The following RBL1 variants were observed in gnomAD, a reference collection of about 807,000 sequenced individuals.
The protein encoded by RBL1 is RB transcriptional corepressor like 1.
In RBL1, 82 loss-of-function variants were observed where a neutral mutation model predicts 123.0. The observed-to-expected ratio is 0.67, with a 90% CI of 0.56 to 0.80. RBL1 has a LOEUF of 0.80. Among genes scored for constraint, RBL1 ranks in the 30% least tolerant of loss-of-function variants. The pLI is 0.00. For missense variants in RBL1, 1,171 were observed against 1,299.6 expected (o/e 0.90, Z 1.52); for synonymous variants, 405 against 441.3 (o/e 0.92, Z 1.03).
At chr20:37,042,003 G>A (rs1267137095) in intron 13 of RBL1, among the ~76,000 whole-genome samples, 2 of 150,306 alleles carry the variant, frequency 1.3e-5, no homozygotes, top group African/African-American at 4.9e-5. Context: ...AACCCGGGAG[G>A]TGGAGCTTGC....
At chr20:37,049,423 A>T (rs2064869195) in intron 11 of RBL1, 1 of 748,326 alleles carries the variant, frequency 1.3e-6, no homozygotes. Flanking sequence ...TGACTACAAC[A>T]TTCAAAAGGA....
At chr20:37,011,915 T>C (rs563159369) in intron 19 of RBL1, among the ~76,000 whole-genome samples, 2 of 152,276 alleles carry the variant, frequency 1.3e-5, no homozygotes, top group Non-Finnish European at 2.9e-5. Context: ...ACGGTCTCCC[T>C]CTGATGCCGA....
intron 2 of RBL1, among the ~76,000 whole-genome samples, chr20:37,086,466 T>A (rs1263812151): frequency 6.6e-6 from 1 of 152,020 alleles, no homozygotes; most frequent in Non-Finnish European, 1.5e-5. Context: ...CGGGCGCCTG[T>A]AATCCCAGCT....
chr20:37,000,366 G>C (rs1480666851), intron 21 of RBL1, among the ~76,000 whole-genome samples: 1 of 146,952 alleles, frequency 6.8e-6, no homozygotes, highest in Non-Finnish European at 1.5e-5. Flanking sequence ...CAGAAGGGAG[G>C]TGGGGGGGTT....
intron 1 of RBL1, among the ~76,000 whole-genome samples, chr20:37,089,399 C>G (rs1440307120): frequency 1.3e-5 from 2 of 148,784 alleles, no homozygotes; most frequent in Non-Finnish European, 3.0e-5. Context: ...GTTTGTAATC[C>G]CAGTAACTCG....
At chr20:37,037,482 A>G (rs1000417121) in intron 14 of RBL1, among the ~76,000 whole-genome samples, 2 of 152,142 alleles carry the variant, frequency 1.3e-5, no homozygotes, top group African/African-American at 4.8e-5. Flanking sequence ...ATAATTCTCA[A>G]TATTTCGTAA....
intron 21 of RBL1, among the ~76,000 whole-genome samples, chr20:37,001,011 C>T (rs2063967821): frequency 1.4e-5 from 2 of 142,580 alleles, no homozygotes; most frequent in Non-Finnish European, 3.1e-5. Context: ...GCCGCCCCAT[C>T]CGGGAGGGAG....
intron 2 of RBL1, among the ~76,000 whole-genome samples, chr20:37,084,151 T>C (rs2065502982): frequency 6.6e-6 from 1 of 151,980 alleles, no homozygotes; most frequent in Admixed American, 6.6e-5. Flanking sequence ...CTGCCCGCCT[T>C]GGCCTCCCAA....
chr20:37,068,531 A>T (rs556313293), intron 2 of RBL1, among the ~76,000 whole-genome samples: 12 of 109,546 alleles, frequency 1.1e-4, no homozygotes, highest in Non-Finnish European at 1.9e-4. Context: ...AAATTTAATT[A>T]AAAAAAAAAA....
At chr20:37,074,962 G>A (rs2065341192) in intron 2 of RBL1, among the ~76,000 whole-genome samples, 1 of 152,116 alleles carries the variant, frequency 6.6e-6, no homozygotes, top group Non-Finnish European at 1.5e-5. Flanking sequence ...TAGCCAAAAG[G>A]TAGAAATAAC....
At chr20:37,055,168 T>C in intron 11 of RBL1, among the ~76,000 whole-genome samples, 1 of 152,082 alleles carries the variant, frequency 6.6e-6, no homozygotes, top group Non-Finnish European at 1.5e-5. Context: ...TGGTCTGACT[T>C]GGTCATAGTT....
Position 37,056,190 on chromosome 20 carries a change from T to G in RBL1, c.1319A>C (p.Gln440Pro). ...ILKGIGETFC[Q>P]HYTQSTDEQP... ...TTCATCTGTTGATTGAGTATAGTGT[T>G]GACAGAAAGTCTCTCCTATTCCTTT... Residue 440 changes from glutamine to proline, a missense_variant, in exon 10 of 22, where the codon CAA becomes CCA. Transcript: ENST00000373664. 6.2e-7 allele frequency: 1 copy of G among 1,611,396 alleles called. No homozygotes were observed. The highest frequency in any genetic ancestry group is 8.5e-7 in the Non-Finnish European group (1 of 1,179,822).
intron 2 of RBL1, among the ~76,000 whole-genome samples, chr20:37,069,471 G>A (rs984944786): frequency 6.6e-6 from 1 of 150,498 alleles, no homozygotes; most frequent in Non-Finnish European, 1.5e-5. Context: ...TGAGATGTGG[G>A]GAGCGCCTCT....
Position 37,055,570 on chromosome 20 carries a change from G to A in RBL1, c.1450C>T (p.His484Tyr). 2 of 1,614,064 alleles carry A rather than the reference G, an allele frequency of 1.2e-6. No individual in the cohort carries two copies. The highest frequency in any genetic ancestry group is 1.7e-6 in the Non-Finnish European group (2 of 1,180,000). ...TVMVQETRRL[H>Y]GMDMSVLLEQ... Reference sequence around the variant, plus strand: ...TTACTTACTGACATGTCCATTCCATGAAGTCTTCGTGTTTCCTGAACCATT... The same window carrying A: ...TTACTTACTGACATGTCCATTCCATAAAGTCTTCGTGTTTCCTGAACCATT... The change falls in exon 11 of 22, where the codon CAT becomes TAT. Residue 484 changes from histidine (H) to tyrosine (Y), a missense_variant. Transcript: ENST00000373664.
Position 37,038,271 on chromosome 20 carries a change from C to G in RBL1, c.1903+1882G>C, listed in dbSNP as rs375569745. On this transcript the variant is annotated intron_variant, in intron 14 of 21. Transcript: ENST00000373664. ...CCTCCCAAACTGCTGGGATTACAGG[C>G]GTGAGCCACTGTGCCTGACCTTATG... is the stretch of plus-strand genomic sequence containing the variant. Among the ~76,000 whole-genome samples the G allele has an allele frequency of 8.9e-5, 13 of 145,564 alleles. 1 individual carries two copies. The South Asian group carries it at 2.0e-3, about 23-fold the overall frequency.
chr20:37,038,962 C>T (rs1284115059), intron 14 of RBL1, among the ~76,000 whole-genome samples: 1 of 152,162 alleles, frequency 6.6e-6, no homozygotes, highest in Non-Finnish European at 1.5e-5. Context: ...CAGACAAACA[C>T]ACATACACAA....
intron 1 of RBL1, among the ~76,000 whole-genome samples, chr20:37,092,283 A>G (rs990935967): frequency 6.6e-6 from 1 of 152,186 alleles, no homozygotes; most frequent in African/African-American, 2.4e-5. Context: ...TGGTGAAAAT[A>G]TAAGTCCTAA....
In RBL1 at chr20:37,032,960, C is replaced by CAT. The variant is rs58760174; in HGVS notation, c.2171-86_2171-85dup. ...ATATATATTTTGACAATTATATATA[C>CAT]ATATATCTGTGTGTATAAGAAGGCT... On this transcript the variant is annotated intron_variant, in intron 15 of 21. Transcript: ENST00000373664. 1.7e-3 allele frequency: 2,546 copies of CAT among 1,498,198 alleles called. 28 individuals carry two copies. The African/African-American group carries it at 0.029, about 17-fold the overall frequency. The allele number at this position is 1,498,198 out of a possible 1,614,324, so 92.8% of individuals were successfully genotyped here.
chr20:37,088,412 T>A (rs1381316021), intron 2 of RBL1, among the ~76,000 whole-genome samples: 2 of 152,288 alleles, frequency 1.3e-5, no homozygotes, highest in East Asian at 3.9e-4. Context: ...TTTTTGTAAC[T>A]TCTCTGTAAG....
Sources: allele counts gnomAD v4.1 joint callset (sites outside exome capture counted in the v4.1 genomes callset), GRCh38; gene constraint gnomAD v4.1.1; transcripts MANE v1.5; gene names NCBI Gene and HGNC (gene_info 2026-07-23, HGNC 2026-07-21).